FAT4: variants seen among roughly 807,000 people sequenced by gnomAD.
The protein encoded by FAT4 is protocadherin Fat 4.
FAT4 carries 84 observed loss-of-function variants against 303.9 expected under a neutral mutation model. The ratio of observed to expected loss-of-function variants is 0.28; its 90% CI spans 0.23 to 0.33. FAT4 has a LOEUF of 0.33. Among genes scored for constraint, FAT4 ranks in the 10% least tolerant of loss-of-function variants. The probability of loss-of-function intolerance (pLI) is 1.00; values close to 1 mark genes in which losing one functional copy is unlikely to be tolerated. For missense variants in FAT4, 6,005 were observed against 6,146.8 expected (o/e 0.98, Z 0.77); for synonymous variants, 2,307 against 2,298.8 (o/e 1.00, Z -0.10).
chr4:125,319,296 A>G lies in FAT4; in HGVS notation c.2885A>G (p.Tyr962Cys), dbSNP rs977153024. The G allele has an allele frequency of 6.2e-7, 1 of 1,614,002 alleles. No individual in the cohort carries two copies. The highest frequency in any genetic ancestry group is 1.3e-5 in the African/African-American group (1 of 74,914). ...LGPLDVHAGS[Y>C]QIEILASDMG... ...CCCCTGGATGTTCATGCTGGCTCCTACCAAATAGAGATCTTGGCATCTGAC... is the reference window on the plus strand; with the variant it reads ...CCCCTGGATGTTCATGCTGGCTCCTGCCAAATAGAGATCTTGGCATCTGAC... Residue 962 changes from tyrosine (Y) to cysteine (C), a missense_variant, in exon 2 of 18, where the codon TAC (tyrosine) becomes TGC (cysteine). By Grantham distance (194) the Tyr-to-Cys change is radical. Transcript: ENST00000394329.
rs151087097 is a variant in FAT4 at position 125,490,653 on chromosome 4, G to A, written c.13837G>A (p.Ala4613Thr). The change falls in exon 18 of 18, where the codon GCA becomes ACA. Residue 4613 changes from alanine to threonine, a missense_variant. By Grantham distance (58) the Ala-to-Thr change is moderately conservative (BLOSUM62 0). Transcript: ENST00000394329. ...AGAAACCATCCCCAGCGCCCCTTTG[G>A]CATCTCCAGAGCAGGAGATAGAGCA... ...NSETIPSAPL[A>T]SPEQEIEHYD... 33 of 1,613,992 alleles carry A rather than the reference G, an allele frequency of 2.0e-5. No homozygotes were observed. In the Admixed American group the frequency reaches 2.2e-4, roughly 11 times the overall value.
rs942676353 is a variant in FAT4 at position 125,414,976 on chromosome 4, G to A, written c.6013G>A (p.Ala2005Thr). 1.2e-6 allele frequency: 2 copies of A among 1,613,920 alleles called. No individual in the cohort carries two copies. Among genetic ancestry groups the A allele is most frequent in the Non-Finnish European group, 1.7e-6 (2 of 1,179,896 alleles). Residue 2005 changes from alanine (A) to threonine (T), a missense_variant, in exon 6 of 18, where the codon GCT becomes ACT. Coordinates refer to ENST00000394329, the MANE Select transcript of FAT4 (RefSeq NM_001291303.3). ...GAATGGTGTACTCAAAGTCCTAAAA[G>A]CTTTGGATCGGGAAAGTCAGTCCTT... ...DKNGVLKVLKALDRESQSFYN... is the reference protein window; with the variant it reads ...DKNGVLKVLKTLDRESQSFYN...
Position 125,491,408 on chromosome 4 carries a change from A to G in FAT4, c.14592A>G (p.Val4864=), listed in dbSNP as rs541756040. 12 of 1,614,152 alleles carry G rather than the reference A, an allele frequency of 7.4e-6. No homozygotes were observed. Among genetic ancestry groups the G allele is most frequent in the African/African-American group, 4.0e-5 (3 of 75,062 alleles). ...EMEYDREKPM[V]YTSRMPKLSQ... ...AATATGACAGGGAGAAGCCAATGGT[A>G]TATACTTCCAGAATGCCCAAATTAT... Residue 4864 remains valine, a synonymous_variant, in exon 18 of 18, where the codon GTA becomes GTG. Transcript: ENST00000394329.
rs144287503 is a variant in FAT4 at position 125,337,856 on chromosome 4, G to T, written c.5175+16270G>T. Among the ~76,000 whole-genome samples the T allele has an allele frequency of 6.2e-3, 946 of 152,018 alleles. 2 individuals are homozygous for T. Among genetic ancestry groups the T allele is most frequent in the Non-Finnish European group, 0.011 (730 of 67,918 alleles). On this transcript the variant is annotated intron_variant, in intron 2 of 17. Coordinates refer to ENST00000394329, the MANE Select transcript of FAT4 (RefSeq NM_001291303.3). ...AGGACTTTTGATTCAAACACACTTG[G>T]GTACAATCATGACTTGGGGAAGCTG... is the stretch of plus-strand genomic sequence containing the variant.
intron 8 of FAT4, among the ~76,000 whole-genome samples, chr4:125,439,229 G>C (rs923354501): frequency 6.6e-5 from 10 of 151,754 alleles, no homozygotes; most frequent in African/African-American, 2.4e-4. Flanking sequence ...CTCCCAACTG[G>C]ACCAAATCTC....
At chr4:125,446,660 T>G in intron 9 of FAT4, 117 bp downstream of exon 9, 5 of 1,050,180 alleles carry the variant, frequency 4.8e-6, no homozygotes, top group Non-Finnish European at 6.4e-6. Context: ...ATTTTGCAAA[T>G]CCTCTAAAAT....
At chr4:125,335,353 A>C (rs4333196) in intron 2 of FAT4, among the ~76,000 whole-genome samples, 2 of 151,828 alleles carry the variant, frequency 1.3e-5, no homozygotes, top group Non-Finnish European at 2.9e-5. Context: ...GATGGGGTTG[A>C]GGTAGTGTTG....
At chr4:125,454,572 G>A (rs1351959071) in intron 10 of FAT4, among the ~76,000 whole-genome samples, 1 of 152,156 alleles carries the variant, frequency 6.6e-6, no homozygotes, top group East Asian at 1.9e-4. Context: ...AGTGGCTCAC[G>A]CCTGTAATCC....
At chr4:125,385,897 T>C (rs1422523237) in intron 2 of FAT4, among the ~76,000 whole-genome samples, 2 of 152,198 alleles carry the variant, frequency 1.3e-5, no homozygotes, top group Non-Finnish European at 2.9e-5. Context: ...ACTTTGGTTT[T>C]GACAATGAAA....
intron 15 of FAT4, among the ~76,000 whole-genome samples, chr4:125,480,171 T>TA (rs1727176990): frequency 6.6e-6 from 1 of 151,814 alleles, no homozygotes. Flanking sequence ...AGATCAAAGG[T>TA]TATAGTTAGG....
In FAT4 at chr4:125,449,034, C is replaced by G; in HGVS notation, c.8024C>G (p.Pro2675Arg). The change falls in exon 10 of 18, where the codon CCA (proline) becomes CGA (arginine). Residue 2675 changes from proline to arginine, a missense_variant. By Grantham distance (103) the Pro-to-Arg change is moderately radical. Coordinates refer to ENST00000394329, the MANE Select transcript of FAT4 (RefSeq NM_001291303.3). ...AATGCCCCAATTTTTAAGGAAGACC[C>G]ATTTATATCTGAAATATTGGAAAAC... ...NDNAPIFKED[P>R]FISEILENLS... is the part of the protein sequence containing the mutation. The G allele has an allele frequency of 6.2e-7, 1 of 1,613,760 alleles. No homozygotes were observed. Among genetic ancestry groups the G allele is most frequent in the Non-Finnish European group, 8.5e-7 (1 of 1,179,836 alleles).
At chr4:125,418,623 A>G (rs935450139) in intron 7 of FAT4, among the ~76,000 whole-genome samples, 6 of 152,196 alleles carry the variant, frequency 3.9e-5, no homozygotes, top group Non-Finnish European at 8.8e-5. Context: ...CTACAATTCC[A>G]TTACTGATGA....
intron 8 of FAT4, among the ~76,000 whole-genome samples, chr4:125,436,352 A>G (rs1434663196): frequency 2.6e-5 from 4 of 152,132 alleles, no homozygotes; most frequent in Non-Finnish European, 4.4e-5. Flanking sequence ...AGTCAGAAGT[A>G]TTCTATTTGA....
intron 2 of FAT4, among the ~76,000 whole-genome samples, chr4:125,380,654 GA>G (rs1174649492): frequency 1.3e-5 from 2 of 152,088 alleles, no homozygotes; most frequent in East Asian, 3.9e-4. Flanking sequence ...ACCACTAGAG[GA>G]AAGCAATTGA....
At chr4:125,363,306 T>C (rs545847705) in intron 2 of FAT4, among the ~76,000 whole-genome samples, 180 of 151,866 alleles carry the variant, frequency 1.2e-3, no homozygotes, top group African/African-American at 4.0e-3. Context: ...GAGAAGCAAA[T>C]AGAAGTGAAT....
intron 2 of FAT4, among the ~76,000 whole-genome samples, chr4:125,388,447 A>T (rs966134702): frequency 1.3e-5 from 2 of 152,164 alleles, no homozygotes; most frequent in Non-Finnish European, 2.9e-5. Context: ...TGTTTGTTTT[A>T]TACTAAAATT....
chr4:125,407,021 G>C lies in FAT4; in HGVS notation c.5449G>C (p.Asp1817His). 6.2e-7 allele frequency: 1 copy of C among 1,613,848 alleles called. No individual in the cohort carries two copies. The highest frequency in any genetic ancestry group is 8.5e-7 in the Non-Finnish European group (1 of 1,179,886). Reference sequence around the variant, plus strand: ...CAAATATTCACTGCTAGTTCGTGCTGATGATGGTCTTCAGTCCTCGGATAT... The same window carrying C: ...CAAATATTCACTGCTAGTTCGTGCTCATGATGGTCTTCAGTCCTCGGATAT... ...RSKYSLLVRA[D>H]DGLQSSDMRI... The change falls in exon 4 of 18, where the codon GAT (aspartate) becomes CAT (histidine). Residue 1817 changes from aspartate (D) to histidine (H), a missense_variant. Coordinates refer to ENST00000394329, the MANE Select transcript of FAT4 (RefSeq NM_001291303.3).
At position 125,434,358 on chromosome 4, in the gene FAT4, C is replaced by T. The variant is rs1725378808; in HGVS notation, c.7132C>T (p.Pro2378Ser). 3 of 1,613,882 alleles carry T rather than the reference C, an allele frequency of 1.9e-6. No individual in the cohort carries two copies. The highest frequency in any genetic ancestry group is 3.3e-5 in the Admixed American group (2 of 59,996). ...TTTCACAACAATTCCTGAGGATGCA[C>T]CAACTGGAACAGATGTTTTATTGGT... ...AYFTTIPEDAPTGTDVLLVNA... is the reference protein window; with the variant it reads ...AYFTTIPEDASTGTDVLLVNA... The change falls in exon 8 of 18, where the codon CCA becomes TCA. Residue 2378 changes from proline to serine, a missense_variant. Physicochemically the swap from Pro to Ser is moderately conservative, Grantham distance 74. Coordinates refer to ENST00000394329, the MANE Select transcript of FAT4 (RefSeq NM_001291303.3).
At chr4:125,417,278 C>T (rs964814919) in intron 7 of FAT4, among the ~76,000 whole-genome samples, 3 of 152,030 alleles carry the variant, frequency 2.0e-5, no homozygotes, top group African/African-American at 4.8e-5. Flanking sequence ...TAGATGGTTC[C>T]AACCACTTCT....
Sources: allele counts gnomAD v4.1 joint callset (sites outside exome capture counted in the v4.1 genomes callset), GRCh38; gene constraint gnomAD v4.1.1; transcripts MANE v1.5; gene names NCBI Gene and HGNC (gene_info 2026-07-23, HGNC 2026-07-21).